Variants in DPM1 observed in about 807,000 individuals in gnomAD.
DPM1 encodes dolichyl-phosphate mannosyltransferase subunit 1, catalytic.
In DPM1, 27 loss-of-function variants were observed where a neutral mutation model predicts 39.0. That is an observed-to-expected ratio of 0.69 (90% CI 0.51 to 0.95). DPM1 has a LOEUF of 0.95. Ranked by LOEUF, DPM1 falls within the 40% of genes least tolerant of loss-of-function variation. The pLI, the probability that DPM1 is intolerant of heterozygous loss-of-function variation, is 0.00. For synonymous variants in DPM1, 124 were observed against 109.0 expected (o/e 1.14, Z -0.86); for missense variants, 307 against 315.6 (o/e 0.97, Z 0.21).
In DPM1 at chr20:50,941,227, A is replaced by AATATATATATATAT. The variant is rs58694792; in HGVS notation, c.495-308_495-295dup. On this transcript the variant is annotated intron_variant, in intron 6 of 8. Coordinates refer to ENST00000371588, the MANE Select transcript of DPM1 (RefSeq NM_003859.3). ...CTCCATCACTACAAAAAAAAAAGTG[A>AATATATATATATAT]ATATATATATATATATATATATATA... 535 of 61,120 alleles carry AATATATATATATAT rather than the reference A, an allele frequency of 8.8e-3. 5 individuals carry two copies. The highest frequency in any genetic ancestry group is 9.9e-3 in the Non-Finnish European group (338 of 34,312). The allele number at this position is 61,120 out of a possible 1,614,324, so 3.8% of individuals were successfully genotyped here.
intron 1 of DPM1, among the ~76,000 whole-genome samples, chr20:50,957,922 G>T (rs7271975): frequency 6.6e-6 from 1 of 152,152 alleles, no homozygotes; most frequent in Non-Finnish European, 1.5e-5. Flanking sequence ...CCCAGCAATA[G>T]CTCCCTAACC....
rs1986244756 is a variant in DPM1 at position 50,945,737 on chromosome 20, C to G, written c.398G>C (p.Arg133Thr). Residue 133 changes from arginine (R) to threonine (T), a missense_variant and splice_region_variant, in exon 5 of 9, where the codon AGG becomes ACG. By Grantham distance (71) the Arg-to-Thr change is moderately conservative (BLOSUM62 -1). Around this residue, in one of 3 missense-constraint regions of DPM1, gnomAD observed 206 missense variants for 188.2 expected, o/e 1.09. Coordinates refer to ENST00000371588, the MANE Select transcript of DPM1 (RefSeq NM_003859.3). ...HHPKFIPEFI[R>T]KQKEGNFDIV... Reference sequence around the variant, plus strand: ...TTCAAATATTAGAAATAGTACCTACCTAATAAATTCAGGAATAAATTTTGG... The same window carrying G: ...TTCAAATATTAGAAATAGTACCTACGTAATAAATTCAGGAATAAATTTTGG... 7 of 1,566,708 alleles carry G rather than the reference C, an allele frequency of 4.5e-6. No homozygotes were observed. Among genetic ancestry groups the G allele is most frequent in the Non-Finnish European group, 6.1e-6 (7 of 1,138,436 alleles).
chr20:50,947,543 T>A (rs1986359161), intron 3 of DPM1, among the ~76,000 whole-genome samples: 1 of 152,358 alleles, frequency 6.6e-6, no homozygotes. Flanking sequence ...ATGTTAAGTT[T>A]TAGCACAAAT....
intron 7 of DPM1, among the ~76,000 whole-genome samples, chr20:50,937,335 A>G (rs957661528): frequency 5.3e-5 from 8 of 152,322 alleles, no homozygotes; most frequent in African/African-American, 1.9e-4. Flanking sequence ...CTTTATCCAC[A>G]TAGTTTCCTT....
At position 50,935,022 on chromosome 20, in the gene DPM1, T is replaced by C. The variant is rs1985024540; in HGVS notation, c.*110A>G. The C allele has an allele frequency of 1.5e-6, 1 of 664,132 alleles. No homozygotes were observed. Among genetic ancestry groups the C allele is most frequent in the Non-Finnish European group, 2.7e-6 (1 of 375,714 alleles). The allele number at this position is 664,132 out of a possible 1,614,324, so 41.1% of individuals were successfully genotyped here. On this transcript the variant is annotated 3_prime_UTR_variant, in exon 9 of 9. Coordinates refer to ENST00000371588, the MANE Select transcript of DPM1 (RefSeq NM_003859.3). ...TCTTCATAAAAAGATGCATGAAATT[T>C]ACCTTACCTTATATTTTATACTTTA...
intron 1 of DPM1, among the ~76,000 whole-genome samples, 197 bp downstream of exon 1, chr20:50,958,166 G>A (rs577733642): frequency 6.6e-6 from 1 of 152,356 alleles, no homozygotes; most frequent in Admixed American, 6.5e-5. Context: ...CCCAAGGGCA[G>A]GAATGAGAAC....
At chr20:50,953,629 T>G (rs1986692787) in intron 2 of DPM1, among the ~76,000 whole-genome samples, 1 of 152,232 alleles carries the variant, frequency 6.6e-6, no homozygotes, top group African/African-American at 2.4e-5. Flanking sequence ...TTTCTCATTT[T>G]GAATTTTATT....
At chr20:50,935,259 ACGTTAGTCTTT>A (rs1165165062) in intron 8 of DPM1, 23 bp from the exon 9 acceptor site, 4 of 1,454,510 alleles carry the variant, frequency 2.8e-6, no homozygotes, top group Non-Finnish European at 3.9e-6. Context: ...AAAAAAAGTA[ACGTTAGTCTTT>A]AAAAACAATT....
intron 2 of DPM1, 54 bp from the exon 3 acceptor site, chr20:50,948,716 T>C: frequency 2.6e-6 from 4 of 1,523,288 alleles, no homozygotes; most frequent in Non-Finnish European, 3.6e-6. Context: ...CTTATCATGT[T>C]AAATTTTATC....
chr20:50,944,584 T>G (rs1039344711), intron 5 of DPM1: 1 of 152,188 alleles, frequency 6.6e-6, no homozygotes, highest in Admixed American at 6.5e-5. Context: ...AACAAACACA[T>G]AGGGGCTTGA....
At chr20:50,948,544 C>T (rs935728066) in intron 3 of DPM1, 85 bp downstream of exon 3, 7 of 1,253,500 alleles carry the variant, frequency 5.6e-6, no homozygotes, top group Non-Finnish European at 8.2e-6. Flanking sequence ...TGTATTTTGG[C>T]CCTATTCCAA....
Position 50,955,223 on chromosome 20 carries a change from G to C in DPM1, c.224C>G (p.Ala75Gly). The part of the protein sequence containing the change: ...DGSPDGTRDV[A>G]EQLEKIYGSD... Reference sequence around the variant, plus strand: ...CCCATAGATCTTCTCCAACTGTTCAGCAACATCCCTTGTTCCATCTGGGCT... The same window carrying C: ...CCCATAGATCTTCTCCAACTGTTCACCAACATCCCTTGTTCCATCTGGGCT... The change falls in exon 2 of 9, where the codon GCT (alanine) becomes GGT (glycine). Residue 75 changes from alanine (A) to glycine (G), a missense_variant. Ala to Gly is a moderately conservative substitution (Grantham distance 60). Coordinates refer to ENST00000371588, the MANE Select transcript of DPM1 (RefSeq NM_003859.3). 6.2e-7 allele frequency: 1 copy of C among 1,613,034 alleles called. No homozygotes were observed. Among genetic ancestry groups the C allele is most frequent in the Non-Finnish European group, 8.5e-7 (1 of 1,179,756 alleles).
chr20:50,938,539 C>T (rs1166882727), intron 7 of DPM1, among the ~76,000 whole-genome samples: 5 of 151,528 alleles, frequency 3.3e-5, no homozygotes, highest in African/African-American at 4.8e-5. Context: ...CCCGCCACCA[C>T]GCCCGGCTAA....
At chr20:50,954,985 G>A (rs1986754443) in intron 2 of DPM1, among the ~76,000 whole-genome samples, 1 of 152,170 alleles carries the variant, frequency 6.6e-6, no homozygotes, top group Non-Finnish European at 1.5e-5. Context: ...ACTCTTTGCT[G>A]TAAAATGACC....
At chr20:50,938,892 T>C (rs1985457198) in intron 7 of DPM1, among the ~76,000 whole-genome samples, 1 of 151,648 alleles carries the variant, frequency 6.6e-6, no homozygotes, top group East Asian at 2.0e-4. Context: ...GGCAGGAGAA[T>C]CTCTTGAACC....
At chr20:50,942,245 C>A (rs559821156) in intron 5 of DPM1, 119 bp from the exon 6 acceptor site, 24 of 875,794 alleles carry the variant, frequency 2.7e-5, no homozygotes, top group Admixed American at 2.6e-4. Context: ...CAGTGGCTCA[C>A]GCCTGCAATC....
At chr20:50,937,729 T>A (rs1023213148) in intron 7 of DPM1, among the ~76,000 whole-genome samples, 3 of 152,192 alleles carry the variant, frequency 2.0e-5, no homozygotes, top group Non-Finnish European at 4.4e-5. Flanking sequence ...GCCTCCCAAG[T>A]AGCTGAGACT....
At chr20:50,944,329 A>G (rs1472917276) in intron 5 of DPM1, 10 of 152,168 alleles carry the variant, frequency 6.6e-5, no homozygotes, top group Non-Finnish European at 1.5e-5. Flanking sequence ...GTCTGTTTGT[A>G]TCTTTTTGCC....
chr20:50,940,493 A>G (rs371120398), intron 7 of DPM1, among the ~76,000 whole-genome samples: 8 of 152,348 alleles, frequency 5.3e-5, no homozygotes, highest in African/African-American at 1.9e-4. Flanking sequence ...AGAGAGCTCT[A>G]TATAAATATT....
Sources: gnomAD v4.1 joint callset for allele counts (sites outside exome capture counted in the v4.1 genomes callset) on GRCh38, gnomAD v4.1.1 for gene constraint, gnomAD v4.1.1 regional missense constraint, MANE v1.5 for transcripts, NCBI Gene and HGNC (gene_info 2026-07-23, HGNC 2026-07-21) for gene names.